Variants in NUFIP1 observed in about 807,000 individuals in gnomAD.
NUFIP1 encodes the protein FMR1-interacting protein NUFIP1.
NUFIP1 carries 38 observed loss-of-function variants against 56.2 expected under a neutral mutation model. The ratio of observed to expected loss-of-function variants is 0.68; its 90% CI spans 0.52 to 0.89. The LOEUF is 0.89. Ranked by LOEUF, NUFIP1 falls within the 40% of genes least tolerant of loss-of-function variation. NUFIP1 has a pLI of 0.00. For synonymous variants in NUFIP1, 215 were observed against 212.4 expected, an observed-to-expected ratio of 1.01 and a Z score of -0.10; for missense variants, 567 against 605.8, an observed-to-expected ratio of 0.94 and a Z score of 0.67.
At chr13:44,978,582 G>T (rs1872070023) in intron 5 of NUFIP1, among the ~76,000 whole-genome samples, 1 of 152,144 alleles carries the variant, frequency 6.6e-6, no homozygotes, top group Non-Finnish European at 1.5e-5. Context: ...CTTAGTAAGT[G>T]TAAAACCACA....
rs142430693 is a variant in NUFIP1 at position 44,959,563 on chromosome 13, C to G, written c.839G>C (p.Gly280Ala). 1 of 1,606,120 alleles carries G rather than the reference C, an allele frequency of 6.2e-7. No homozygotes were observed. The highest frequency in any genetic ancestry group is 8.5e-7 in the Non-Finnish European group (1 of 1,177,452). Reference sequence around the variant, plus strand: ...TGCCATTTGTGAATGTCTGGACATCCCCTTCATCTTGCTGGAGTAAGAAAA... The same window carrying G: ...TGCCATTTGTGAATGTCTGGACATCGCCTTCATCTTGCTGGAGTAAGAAAA... Reference protein sequence around the residue: ...LTTTQYGKMKGMSRHSQMAKI... With the variant: ...LTTTQYGKMKAMSRHSQMAKI... The change falls in exon 7 of 10, where the codon GGG becomes GCG. Residue 280 changes from glycine to alanine, a missense_variant. Gly to Ala is a moderately conservative substitution (Grantham distance 60, BLOSUM62 0). Transcript: ENST00000379161.
At chr13:44,986,473 C>T (rs1269844789) in intron 1 of NUFIP1, among the ~76,000 whole-genome samples, 3 of 151,850 alleles carry the variant, frequency 2.0e-5, no homozygotes, top group Admixed American at 1.3e-4. Flanking sequence ...GGGTGGATCA[C>T]GAGGTCAGGC....
intron 1 of NUFIP1, among the ~76,000 whole-genome samples, chr13:44,984,681 G>T (rs996673810): frequency 6.6e-6 from 1 of 151,972 alleles, no homozygotes; most frequent in Non-Finnish European, 1.5e-5. Flanking sequence ...AACACTAATT[G>T]TTCAGATTCA....
intron 5 of NUFIP1, among the ~76,000 whole-genome samples, chr13:44,973,322 T>C (rs971697237): frequency 9.8e-5 from 15 of 152,354 alleles, no homozygotes; most frequent in Non-Finnish European, 1.5e-4. Flanking sequence ...AGTTACACTA[T>C]AATTTCCAAG....
intron 7 of NUFIP1, among the ~76,000 whole-genome samples, chr13:44,953,718 A>G (rs1229050383): frequency 6.6e-6 from 1 of 152,096 alleles, no homozygotes; most frequent in Non-Finnish European, 1.5e-5. Context: ...TCCCTGTCCC[A>G]ACCCCAGAAT....
intron 1 of NUFIP1, among the ~76,000 whole-genome samples, chr13:44,987,901 T>C (rs1173458609): frequency 6.6e-6 from 1 of 152,210 alleles, no homozygotes; most frequent in African/African-American, 2.4e-5. Context: ...ATACCAGGTC[T>C]TACCCTCCTC....
intron 4 of NUFIP1, 140 bp downstream of exon 4, chr13:44,979,750 T>A: frequency 1.7e-6 from 1 of 574,994 alleles, no homozygotes; most frequent in South Asian, 2.9e-5. Flanking sequence ...GAGGAAAAAG[T>A]TGAATAAATG....
At chr13:44,969,447 C>T (rs560795730) in intron 5 of NUFIP1, among the ~76,000 whole-genome samples, 20 of 152,286 alleles carry the variant, frequency 1.3e-4, no homozygotes, top group African/African-American at 4.8e-4. Context: ...ATTGCAGTTA[C>T]ATACATGTAA....
chr13:44,960,002 G>T (rs1423506496), intron 6 of NUFIP1, among the ~76,000 whole-genome samples: 1 of 151,242 alleles, frequency 6.6e-6, no homozygotes, highest in Non-Finnish European at 1.5e-5. Flanking sequence ...CATGATCTTG[G>T]CTCACTGCAA....
chr13:44,952,645 A>G (rs1871119613), intron 7 of NUFIP1, among the ~76,000 whole-genome samples: 2 of 152,156 alleles, frequency 1.3e-5, no homozygotes, highest in South Asian at 4.1e-4. Context: ...GTCTCCATAT[A>G]TCCTTCATCC....
At chr13:44,971,121 A>G (rs147674854) in intron 5 of NUFIP1, among the ~76,000 whole-genome samples, 1 of 152,342 alleles carries the variant, frequency 6.6e-6, no homozygotes, top group African/African-American at 2.4e-5. Context: ...ACTCTTCAGA[A>G]TATATTAAAG....
At chr13:44,942,909 T>A (rs1358558479) in intron 9 of NUFIP1, among the ~76,000 whole-genome samples, 2 of 147,670 alleles carry the variant, frequency 1.4e-5, no homozygotes, top group Non-Finnish European at 3.0e-5. Flanking sequence ...GAGGCCACAG[T>A]GAGCTATGAT....
chr13:44,958,473 T>A (rs1450512386), intron 7 of NUFIP1, among the ~76,000 whole-genome samples: 4 of 152,210 alleles, frequency 2.6e-5, no homozygotes, highest in Non-Finnish European at 5.9e-5. Context: ...ATCTTCTACT[T>A]AGCCTAATGT....
rs1008103514 is a variant in NUFIP1, at chr13:44,989,296, T to C, written c.141A>G (p.Pro47=). The part of the protein sequence containing the change: ...WMFWAMLPPP[P]PPLTSSLPAA... ...CGGGAAGCGAGGACGTAAGTGGTGG[T>C]GGCGGTGGCGGCAGCATTGCCCAGA... Residue 47 remains proline (P), a synonymous_variant, in exon 1 of 10, where the codon CCA becomes CCG. Coordinates refer to ENST00000379161, the MANE Select transcript of NUFIP1 (RefSeq NM_012345.3). 5.0e-6 allele frequency: 8 copies of C among 1,613,330 alleles called. No individual in the cohort carries two copies. The highest frequency in any genetic ancestry group is 5.9e-6 in the Non-Finnish European group (7 of 1,179,800).
rs1197337444 is a variant in NUFIP1 at position 44,939,757 on chromosome 13, A to G, written c.*1449T>C. On this transcript the variant is annotated 3_prime_UTR_variant, in exon 10 of 10. Transcript: ENST00000379161. ...ATACATTTATTATCAGGAAACAAGA[A>G]AAATGGAAAATAAAACTGTTTCTAT... 7.2e-5 allele frequency: 11 copies of G among 152,236 alleles called. No homozygotes were observed. Among genetic ancestry groups the G allele is most frequent in the African/African-American group, 2.7e-4 (11 of 41,452 alleles). 9.4% of individuals were successfully genotyped at this position (152,236 alleles called of 1,614,324 possible).
intron 8 of NUFIP1, among the ~76,000 whole-genome samples, chr13:44,949,350 C>T (rs187820044): frequency 0.032 from 4,786 of 150,614 alleles, 103 homozygotes; most frequent in East Asian, 0.12. Context: ...TACAGGCGCC[C>T]GCCACTACGC....
intron 7 of NUFIP1, among the ~76,000 whole-genome samples, chr13:44,950,302 A>G (rs1871046498): frequency 6.6e-6 from 1 of 152,224 alleles, no homozygotes; most frequent in Admixed American, 6.5e-5. Context: ...AATAATATTC[A>G]AAGCATTCTA....
intron 5 of NUFIP1, 123 bp downstream of exon 5, chr13:44,979,067 A>G (rs565018172): frequency 3.5e-5 from 25 of 705,862 alleles, no homozygotes; most frequent in Non-Finnish European, 5.4e-5. Context: ...ATAGTCTTAC[A>G]TAATATGCCT....
chr13:44,989,425 C>T lies in NUFIP1; in HGVS notation c.12G>A (p.Pro4=). 1 of 1,613,382 alleles carries T rather than the reference C, an allele frequency of 6.2e-7. No homozygotes were observed. The highest frequency in any genetic ancestry group is 8.5e-7 in the Non-Finnish European group (1 of 1,179,778). Reference sequence around the variant, plus strand: ...CGATAGGAGTCTCGAAATCACTAGTCGGCTCAGCCATACCACTGGCGGGTC... The same window carrying T: ...CGATAGGAGTCTCGAAATCACTAGTTGGCTCAGCCATACCACTGGCGGGTC... MAE[P]TSDFETPIGW... The change falls in exon 1 of 10, where the codon CCG becomes CCA. Residue 4 remains proline, a synonymous_variant. Transcript: ENST00000379161.
Sources: gnomAD v4.1 joint callset for allele counts (sites outside exome capture counted in the v4.1 genomes callset) on GRCh38, gnomAD v4.1.1 for gene constraint, MANE v1.5 for transcripts, NCBI Gene and HGNC (gene_info 2026-07-23, HGNC 2026-07-21) for gene names.